The following SYN2 variants were observed in gnomAD, a reference collection of about 807,000 sequenced individuals.
SYN2 encodes the protein synapsin II, also known as synapsin-2.
A neutral mutation model predicts 50.9 loss-of-function variants in SYN2; 19 were observed. The observed-to-expected ratio is 0.37, with a 90% CI of 0.26 to 0.55. The LOEUF is 0.55. Among genes scored for constraint, SYN2 ranks in the 20% least tolerant of loss-of-function variants. The probability of loss-of-function intolerance (pLI) is 0.81; values close to 1 mark genes in which losing one functional copy is unlikely to be tolerated. For synonymous variants in SYN2, 255 were observed against 224.9 expected, an observed-to-expected ratio of 1.13 and a Z score of -1.20; for missense variants, 587 against 576.4, an observed-to-expected ratio of 1.02 and a Z score of -0.19.
At chr3:12,126,938 G>A (rs529293856) in intron 1 of SYN2, among the ~76,000 whole-genome samples, 3 of 152,194 alleles carry the variant, frequency 2.0e-5, no homozygotes, top group African/African-American at 7.2e-5. Context: ...GCAGGGTAAA[G>A]TCTTTCCTTC....
intron 1 of SYN2, among the ~76,000 whole-genome samples, chr3:12,030,597 T>G (rs1224137840): frequency 6.6e-6 from 1 of 150,920 alleles, no homozygotes; most frequent in Non-Finnish European, 1.5e-5. Context: ...TCTTCCTGGT[T>G]TAGTCTTGGG....
intron 1 of SYN2, among the ~76,000 whole-genome samples, chr3:12,084,840 T>C (rs1695657082): frequency 6.6e-6 from 1 of 152,118 alleles, no homozygotes; most frequent in Admixed American, 6.6e-5. Flanking sequence ...TTACAAGATG[T>C]TTTATGTAAG....
At chr3:12,027,574 A>T (rs1171357263) in intron 1 of SYN2, among the ~76,000 whole-genome samples, 3 of 152,358 alleles carry the variant, frequency 2.0e-5, no homozygotes, top group African/African-American at 2.4e-5. Context: ...AAGAGTGAGT[A>T]TATTGACATT....
chr3:12,015,555 G>T (rs1250457829), intron 1 of SYN2, among the ~76,000 whole-genome samples: 1 of 152,172 alleles, frequency 6.6e-6, no homozygotes, highest in Admixed American at 6.5e-5. Flanking sequence ...GCAAGTAGTG[G>T]TATATATAAA....
intron 5 of SYN2, among the ~76,000 whole-genome samples, chr3:12,156,488 A>G (rs1477181558): frequency 6.6e-6 from 1 of 152,224 alleles, no homozygotes. Flanking sequence ...AGTTTTAGAG[A>G]GGAGACTTCG....
chr3:12,161,689 C>T, intron 6 of SYN2, 81 bp downstream of exon 6: 1 of 1,452,530 alleles, frequency 6.9e-7, no homozygotes, highest in Non-Finnish European at 9.6e-7. Flanking sequence ...AACTGCTATT[C>T]TCCCTCTGTC....
chr3:12,133,148 T>G (rs2125210792), intron 1 of SYN2, among the ~76,000 whole-genome samples: 1 of 152,350 alleles, frequency 6.6e-6, no homozygotes, highest in African/African-American at 2.4e-5. Context: ...TAAGACACCA[T>G]GCAGCTTGCT....
At chr3:12,047,360 C>T (rs1694761984) in intron 1 of SYN2, among the ~76,000 whole-genome samples, 2 of 152,048 alleles carry the variant, frequency 1.3e-5, no homozygotes, top group Non-Finnish European at 2.9e-5. Flanking sequence ...TCTATTTTCT[C>T]TGTTAAGTAG....
In SYN2 at chr3:12,187,453, C is replaced by T; in HGVS notation, c.1454C>T (p.Pro485Leu). Reference sequence around the variant, plus strand: ...CTCCCCCCTGGACCATCACTGCCACCTTCCTCCTCTTCCTCCTCTTCTTCC... The same window carrying T: ...CTCCCCCCTGGACCATCACTGCCACTTTCCTCCTCTTCCTCCTCTTCTTCC... ...RRLPPGPSLP[P>L]SSSSSSSSSS... The change falls in exon 12 of 13, where the codon CCT becomes CTT. Residue 485 changes from proline (P) to leucine (L), a missense_variant. Transcript: ENST00000621198. 1 of 1,552,002 alleles carries T rather than the reference C, an allele frequency of 6.4e-7. No homozygotes were observed. The highest frequency in any genetic ancestry group is 8.7e-7 in the Non-Finnish European group (1 of 1,146,514).
Position 12,191,641 on chromosome 3 carries a change from A to G in SYN2, c.*1016A>G, listed in dbSNP as rs1698445277. ...GGGCCTCCTCGCACCTCCCCAGTGAATCTGTCTCCTCCAAGACACCTAGCC... is the reference window on the plus strand; with the variant it reads ...GGGCCTCCTCGCACCTCCCCAGTGAGTCTGTCTCCTCCAAGACACCTAGCC... On this transcript the variant is annotated 3_prime_UTR_variant, in exon 13 of 13. Transcript: ENST00000621198. Among the ~76,000 whole-genome samples the G allele has an allele frequency of 6.6e-6, 1 of 152,126 alleles. No individual in the cohort carries two copies. The highest frequency in any genetic ancestry group is 2.1e-4 in the South Asian group (1 of 4,822).
chr3:12,184,097 C>G (rs930541), intron 11 of SYN2: 1 of 985,812 alleles, frequency 1.0e-6, no homozygotes, highest in Admixed American at 6.1e-5. Context: ...GCCTGTAGAG[C>G]TCTTGTGTTT....
At chr3:12,098,899 AAG>A (rs962336685) in intron 1 of SYN2, among the ~76,000 whole-genome samples, 4 of 148,816 alleles carry the variant, frequency 2.7e-5, no homozygotes, top group African/African-American at 9.8e-5. Flanking sequence ...TAGTAACCAA[AAG>A]AGAGTTGGAA....
intron 1 of SYN2, among the ~76,000 whole-genome samples, chr3:12,039,331 A>G (rs539492159): frequency 6.6e-6 from 1 of 152,234 alleles, no homozygotes; most frequent in South Asian, 2.1e-4. Context: ...GGCTTTCCAC[A>G]AAGTGTGTTT....
chr3:12,041,336 A>G lies in SYN2; in HGVS notation c.377+36408A>G, dbSNP rs867607976. Among the ~76,000 whole-genome samples, 34 of 152,222 alleles carry G rather than the reference A, an allele frequency of 2.2e-4. No homozygotes were observed. The Middle Eastern group carries it at 0.017, about 76-fold the overall frequency. ...ATTTCTTAGACTGCAGTGTTTTTTCAGAGATTGTATAACTCCCCCAATCTA... is the reference window on the plus strand; with the variant it reads ...ATTTCTTAGACTGCAGTGTTTTTTCGGAGATTGTATAACTCCCCCAATCTA... On this transcript the variant is annotated intron_variant, in intron 1 of 12. Coordinates refer to ENST00000621198, the MANE Select transcript of SYN2 (RefSeq NM_133625.6).
chr3:12,036,372 A>G (rs1028971063), intron 1 of SYN2, among the ~76,000 whole-genome samples: 4 of 152,196 alleles, frequency 2.6e-5, no homozygotes, highest in Non-Finnish European at 5.9e-5. Context: ...GGAGATTGCC[A>G]TGGCTCCACA....
intron 5 of SYN2, among the ~76,000 whole-genome samples, chr3:12,155,711 T>G (rs892587466): frequency 7.2e-5 from 11 of 152,204 alleles, no homozygotes; most frequent in African/African-American, 2.7e-4. Flanking sequence ...TTTTTGTCAT[T>G]TCTCCCCACC....
At chr3:12,115,522 T>A (rs1235128871) in intron 1 of SYN2, among the ~76,000 whole-genome samples, 1 of 152,210 alleles carries the variant, frequency 6.6e-6, no homozygotes. Flanking sequence ...ATATATCAGA[T>A]GAAACCTTCT....
chr3:12,168,538 T>G, intron 9 of SYN2, 60 bp downstream of exon 9: 3 of 1,378,266 alleles, frequency 2.2e-6, no homozygotes, highest in Non-Finnish European at 3.1e-6. Context: ...TGTGGGCAGC[T>G]CAGACTGCCT....
At chr3:12,155,668 C>G (rs532035311) in intron 5 of SYN2, among the ~76,000 whole-genome samples, 1 of 152,330 alleles carries the variant, frequency 6.6e-6, no homozygotes, top group Admixed American at 6.5e-5. Context: ...TCCTGTAGGA[C>G]CTGGGCACCA....
Sources: allele counts gnomAD v4.1 joint callset (sites outside exome capture counted in the v4.1 genomes callset), GRCh38; gene constraint gnomAD v4.1.1; transcripts MANE v1.5; gene names NCBI Gene and HGNC (gene_info 2026-07-23, HGNC 2026-07-21).